The following TMEM91 variants were observed in gnomAD, a reference collection of about 807,000 sequenced individuals.
The protein encoded by TMEM91 is dispanin subfamily C member 3.
A neutral mutation model predicts 13.3 loss-of-function variants in TMEM91; 6 were observed. That is an observed-to-expected ratio of 0.45 (90% CI 0.25 to 0.89). The LOEUF (loss-of-function observed/expected upper bound fraction) is 0.89, where lower values mean the gene tolerates loss of function less well. Ranked by LOEUF, TMEM91 falls within the 40% of genes least tolerant of loss-of-function variation. The pLI is 0.19. For synonymous variants in TMEM91, 87 were observed against 101.7 expected (o/e 0.86, Z 0.87); for missense variants, 193 against 228.7 (o/e 0.84, Z 1.01).
intron 1 of TMEM91, among the ~76,000 whole-genome samples, chr19:41,365,694 C>G (rs963485959): frequency 6.8e-6 from 1 of 147,188 alleles, no homozygotes. Context: ...CGTTAGCCAC[C>G]GTGACCGGCC....
At chr19:41,378,834 G>A (rs1327092326) in intron 2 of TMEM91, among the ~76,000 whole-genome samples, 1 of 151,394 alleles carries the variant, frequency 6.6e-6, no homozygotes, top group Non-Finnish European at 1.5e-5. Flanking sequence ...GAGAGAGAGA[G>A]AGAGAGAGAG....
intron 1 of TMEM91, among the ~76,000 whole-genome samples, chr19:41,365,713 T>G (rs1375906586): frequency 6.9e-6 from 1 of 144,002 alleles, no homozygotes; most frequent in African/African-American, 2.6e-5. Flanking sequence ...CCGGGTTTTT[T>G]TTTTTTTTTT....
intron 1 of TMEM91, among the ~76,000 whole-genome samples, chr19:41,365,934 C>T (rs927793894): frequency 2.6e-5 from 4 of 151,756 alleles, no homozygotes; most frequent in Non-Finnish European, 5.9e-5. Flanking sequence ...TGGTCTCGAA[C>T]TCCTGGCCTC....
At chr19:41,374,069 C>G (rs2038666729), upstream of TMEM91, 1 of 152,244 alleles carries the variant, frequency 6.6e-6, no homozygotes, top group African/African-American at 2.4e-5. Flanking sequence ...CAATCCTGCC[C>G]CCTCACGCTC....
At chr19:41,383,127 C>T (rs1260344900) in intron 3 of TMEM91, 4 of 646,656 alleles carry the variant, frequency 6.2e-6, no homozygotes, top group Non-Finnish European at 1.0e-5. Context: ...AATCTCGGCT[C>T]ACTGCAATCT....
chr19:41,365,020 C>A (rs1379847898), intron 1 of TMEM91, among the ~76,000 whole-genome samples: 1 of 151,916 alleles, frequency 6.6e-6, no homozygotes, highest in East Asian at 1.9e-4. Flanking sequence ...GTATCACAGA[C>A]ATGCACCACC....
chr19:41,376,821 G>A lies in TMEM91; in HGVS notation c.-63G>A, dbSNP rs1478134258. On this transcript the variant is annotated 5_prime_UTR_variant, in exon 1 of 4. Transcript: ENST00000392002. ...AGGGTCCGGGCAAGTGTCATTGCGAGGGTTCAGGAAGCCCCGGCCTGTGAT... is the reference window on the plus strand; with the variant it reads ...AGGGTCCGGGCAAGTGTCATTGCGAAGGTTCAGGAAGCCCCGGCCTGTGAT... The A allele has an allele frequency of 6.6e-6, 1 of 152,396 alleles. No individual in the cohort carries two copies. The highest frequency in any genetic ancestry group is 1.5e-5 in the Non-Finnish European group (1 of 68,180). 9.4% of individuals were successfully genotyped at this position (152,396 alleles called of 1,614,324 possible).
rs1370014004 is a variant in TMEM91, at chr19:41,371,358, C to CTTCT, written c.-29-6920_-29-6919insTTTC. On this transcript the variant is annotated intron_variant, in intron 1 of 3. Coordinates refer to the TMEM91 transcript ENST00000413014. ...CCTTCCTTCCTTCCTTCCTTCCTTC[C>CTTCT]TTCCTTCCTTCTTTCCTTCCTTCCT... Among the ~76,000 whole-genome samples, 267 of 146,520 alleles carry CTTCT rather than the reference C, an allele frequency of 1.8e-3. 3 individuals carry two copies. The highest frequency in any genetic ancestry group is 2.9e-3 in the African/African-American group (113 of 38,554).
chr19:41,382,696 G>GA, intron 2 of TMEM91, 76 bp from the exon 3 acceptor site: 1 of 1,535,266 alleles, frequency 6.5e-7, no homozygotes, highest in Non-Finnish European at 8.8e-7. Context: ...ATTGGCCTTT[G>GA]AGGGCTATGG....
intron 1 of TMEM91, among the ~76,000 whole-genome samples, chr19:41,371,193 A>T (rs1420212263): frequency 7.4e-6 from 1 of 134,940 alleles, no homozygotes; most frequent in Non-Finnish European, 1.6e-5. Context: ...GTAGAGACGG[A>T]GTTTTGCCAT....
chr19:41,380,317 A>G (rs1052111618), intron 2 of TMEM91, among the ~76,000 whole-genome samples: 5 of 152,188 alleles, frequency 3.3e-5, no homozygotes, highest in African/African-American at 1.2e-4. Context: ...ATTGCAGCAA[A>G]GCAGAAGCTG....
chr19:41,364,656 A>ACT lies in TMEM91; in HGVS notation c.-30+561_-30+562insCT, dbSNP rs1290628277. Among the ~76,000 whole-genome samples the ACT allele has an allele frequency of 3.3e-5, 5 of 152,084 alleles. No homozygotes were observed. In the East Asian group the frequency reaches 5.8e-4, roughly 18 times the overall value. On this transcript the variant is annotated intron_variant, in intron 1 of 3. Transcript: ENST00000413014. ...AAGGACAAGGAAGGAAGGAAGTTGGATAAGTCCAACTTCCTTCTCGGAGCT... is the reference window on the plus strand; with the variant it reads ...AAGGACAAGGAAGGAAGGAAGTTGGACTTAAGTCCAACTTCCTTCTCGGAGCT...
intron 1 of TMEM91, among the ~76,000 whole-genome samples, chr19:41,371,313 CCTTCCTT>C (rs1368287794): frequency 1.8e-4 from 15 of 81,148 alleles, no homozygotes; most frequent in East Asian, 3.6e-4. Context: ...ACTATCCTCT[CCTTCCTT>C]CCTTCCTTCC....
chr19:41,371,121 C>A (rs1415682352), intron 1 of TMEM91, among the ~76,000 whole-genome samples: 1 of 152,026 alleles, frequency 6.6e-6, no homozygotes, highest in East Asian at 1.9e-4. Context: ...TGTGCCTCAG[C>A]CTCCCGAGTA....
At chr19:41,364,964 C>A (rs1159530285) in intron 1 of TMEM91, among the ~76,000 whole-genome samples, 1 of 151,838 alleles carries the variant, frequency 6.6e-6, no homozygotes, top group Non-Finnish European at 1.5e-5. Context: ...AGCCTCTTAA[C>A]TCCTGGGTTC....
Position 41,383,721 on chromosome 19 carries a change from A to G in TMEM91, c.367A>G (p.Lys123Glu), listed in dbSNP as rs772973298. Residue 123 changes from lysine (K) to glutamate (E), a missense_variant, in exon 4 of 4, where the codon AAG (lysine) becomes GAG (glutamate). By Grantham distance (56) the Lys-to-Glu change is moderately conservative (BLOSUM62 1). Transcript: ENST00000392002. ...AAFCLAQKTNKAWAKGDIQGA... is the reference protein window; with the variant it reads ...AAFCLAQKTNEAWAKGDIQGA... ...CTGCCCACTGCCTCTACAGACCAAC[A>G]AGGCTTGGGCCAAGGGGGACATCCA... is the stretch of plus-strand genomic sequence containing the variant. 34 of 1,611,210 alleles carry G rather than the reference A, an allele frequency of 2.1e-5. 1 individual carries two copies. In the South Asian group the frequency reaches 3.5e-4, roughly 17 times the overall value.
rs150381102 is a variant in TMEM91, at chr19:41,365,166, G to C, written c.-30+1071G>C. Among the ~76,000 whole-genome samples the C allele has an allele frequency of 4.6e-5, 7 of 151,928 alleles. No homozygotes were observed. The East Asian group carries it at 1.4e-3, about 29-fold the overall frequency. ...CTCCCAAACTGCCGGGATTACAGGC[G>C]TGAGCCACCCAGCCAGGCCAATAGA... On this transcript the variant is annotated intron_variant, in intron 1 of 3. Coordinates refer to the TMEM91 transcript ENST00000413014.
At chr19:41,373,976 C>G (rs1413445713), upstream of TMEM91, 1 of 152,224 alleles carries the variant, frequency 6.6e-6, no homozygotes, top group South Asian at 2.1e-4. Flanking sequence ...CCGCACCTGG[C>G]CTACAGTATG....
intron 1 of TMEM91, among the ~76,000 whole-genome samples, chr19:41,378,034 T>TC (rs2038766431): frequency 1.9e-5 from 1 of 52,104 alleles, no homozygotes. Flanking sequence ...AGACTTTGTC[T>TC]CAAAAAAAAA....
Sources: allele counts gnomAD v4.1 joint callset (sites outside exome capture counted in the v4.1 genomes callset), GRCh38; gene constraint gnomAD v4.1.1; transcripts MANE v1.5; gene names NCBI Gene and HGNC (gene_info 2026-07-23, HGNC 2026-07-21).